SORCS2: variants seen among roughly 807,000 people sequenced by gnomAD.
The protein encoded by SORCS2 is VPS10 domain-containing receptor SorCS2.
Under a neutral mutation model 141.6 loss-of-function variants are expected in SORCS2, and 100 were observed. The ratio of observed to expected loss-of-function variants is 0.71; its 90% CI spans 0.60 to 0.83. The LOEUF (loss-of-function observed/expected upper bound fraction) is 0.83, where lower values mean the gene tolerates loss of function less well. Among genes scored for constraint, SORCS2 ranks in the 40% least tolerant of loss-of-function variants. SORCS2 has a pLI of 0.00. For missense variants in SORCS2, 1,646 were observed against 1,560.2 expected (o/e 1.05, Z -0.93); for synonymous variants, 789 against 676.9 (o/e 1.17, Z -2.57).
At chr4:7,277,291 G>T (rs1715564426) in intron 1 of SORCS2, among the ~76,000 whole-genome samples, 1 of 152,198 alleles carries the variant, frequency 6.6e-6, no homozygotes, top group Non-Finnish European at 1.5e-5. Flanking sequence ...TAAGCCAAAG[G>T]TTTCTGTGAC....
chr4:7,215,113 G>A (rs1728253086), intron 1 of SORCS2, among the ~76,000 whole-genome samples: 1 of 152,204 alleles, frequency 6.6e-6, no homozygotes, highest in Non-Finnish European at 1.5e-5. Context: ...CCCTCAGCTT[G>A]CAGGGAGGTG....
In SORCS2 at chr4:7,740,246, C is replaced by CCAGGT. The variant is rs1241445755; in HGVS notation, c.3462_3463insCAGGT (p.Ser1155GlnfsTer6). 1 of 1,610,012 alleles carries CCAGGT rather than the reference C, an allele frequency of 6.2e-7. No homozygotes were observed. Among genetic ancestry groups the CCAGGT allele is most frequent in the South Asian group, 1.1e-5 (1 of 90,884 alleles). ...TGAGCATCAACTCCCGAGAGATGCA[C>CCAGGT]AGCTACCTGGTGAGCTGATGCCACC... On this transcript the variant is annotated frameshift_variant, in exon 27 of 27. Transcript: ENST00000507866. LOFTEE classifies it high-confidence loss of function.
rs1451011484 is a variant in SORCS2, at chr4:7,728,472, C to CAGAGCCTAG, written c.2982+13_2982+21dup. Reference sequence around the variant, plus strand: ...CCGGCTGCTCTCCAAGGTGTCCACCCAGAGCCTAGAGCCTCCCCAGCCCCA... The same window carrying CAGAGCCTAG: ...CCGGCTGCTCTCCAAGGTGTCCACCCAGAGCCTAGAGAGCCTAGAGCCTCCCCAGCCCCA... On this transcript the variant is annotated intron_variant, in intron 22 of 26. Coordinates refer to ENST00000507866, the MANE Select transcript of SORCS2 (RefSeq NM_020777.3). 1 of 1,597,810 alleles carries CAGAGCCTAG rather than the reference C, an allele frequency of 6.3e-7. No individual in the cohort carries two copies. The highest frequency in any genetic ancestry group is 2.3e-5 in the East Asian group (1 of 44,368).
At chr4:7,218,318 T>G (rs772164773) in intron 1 of SORCS2, among the ~76,000 whole-genome samples, 3 of 152,206 alleles carry the variant, frequency 2.0e-5, no homozygotes, top group Non-Finnish European at 4.4e-5. Context: ...CCTCGATCAC[T>G]TCAAGAATGG....
At chr4:7,383,276 C>T (rs951934969) in intron 1 of SORCS2, among the ~76,000 whole-genome samples, 1 of 152,194 alleles carries the variant, frequency 6.6e-6, no homozygotes, top group Non-Finnish European at 1.5e-5. Flanking sequence ...CTTTAGAGGT[C>T]CACAGCCTGC....
At chr4:7,376,091 A>G (rs1211012392) in intron 1 of SORCS2, among the ~76,000 whole-genome samples, 9 of 152,354 alleles carry the variant, frequency 5.9e-5, no homozygotes, top group Middle Eastern at 3.4e-3. Flanking sequence ...TCCTTGGCAC[A>G]TGGTAGGAGT....
rs1016297703 is a variant in SORCS2, at chr4:7,293,165, A to G, written c.480+100039A>G. On this transcript the variant is annotated intron_variant, in intron 1 of 26. Transcript: ENST00000507866. Reference sequence around the variant, plus strand: ...TAAAAATACAAAAAATTAGCCAGGCATGGTGGCGGGCACCTGTAGTCCCAG... The same window carrying G: ...TAAAAATACAAAAAATTAGCCAGGCGTGGTGGCGGGCACCTGTAGTCCCAG... 4.6e-5 allele frequency among the ~76,000 whole-genome samples: 7 copies of G among 152,062 alleles called. No homozygotes were observed. In the South Asian group the frequency reaches 1.0e-3, roughly 22 times the overall value.
chr4:7,415,957 G>A (rs1002119314), intron 2 of SORCS2, among the ~76,000 whole-genome samples: 1 of 152,220 alleles, frequency 6.6e-6, no homozygotes. Context: ...AGGATGGATA[G>A]GAGTTTTCAG....
In SORCS2 at chr4:7,661,557, C is replaced by G; in HGVS notation, c.945C>G (p.Leu315=). The G allele has an allele frequency of 1.9e-6, 3 of 1,551,786 alleles. No individual in the cohort carries two copies. The highest frequency in any genetic ancestry group is 2.6e-6 in the Non-Finnish European group (3 of 1,147,068). ...TGGTCCACGTGGAAGCCCAAGACCT[C>G]GGTGGAGGTAAGCCGGGCAGTGCAC... ...PDLVHVEAQD[L]GGDFRYVTCA... Residue 315 remains leucine (L), a synonymous_variant, in exon 6 of 27, where the codon CTC becomes CTG. Coordinates refer to ENST00000507866, the MANE Select transcript of SORCS2 (RefSeq NM_020777.3).
intron 5 of SORCS2, among the ~76,000 whole-genome samples, chr4:7,660,839 T>C (rs1035294568): frequency 6.6e-6 from 1 of 152,110 alleles, no homozygotes; most frequent in Non-Finnish European, 1.5e-5. Flanking sequence ...CTTCGCCACC[T>C]CACGAAAGGA....
intron 1 of SORCS2, among the ~76,000 whole-genome samples, chr4:7,238,762 G>C (rs1577310417): frequency 6.6e-6 from 1 of 152,190 alleles, no homozygotes; most frequent in East Asian, 1.9e-4. Flanking sequence ...TTTCGCCTCT[G>C]CTCCCTCTCT....
At chr4:7,571,132 T>A (rs1715361909) in intron 3 of SORCS2, among the ~76,000 whole-genome samples, 1 of 152,216 alleles carries the variant, frequency 6.6e-6, no homozygotes, top group Admixed American at 6.5e-5. Flanking sequence ...CATGCTGGTG[T>A]TTGTTCAAGA....
chr4:7,390,256 A>G (rs548296506), intron 1 of SORCS2, among the ~76,000 whole-genome samples: 1 of 152,124 alleles, frequency 6.6e-6, no homozygotes, highest in East Asian at 1.9e-4. Context: ...TTGATTGACA[A>G]CTGAATTGGG....
chr4:7,604,000 C>G (rs942437257), intron 3 of SORCS2, among the ~76,000 whole-genome samples: 3 of 151,664 alleles, frequency 2.0e-5, no homozygotes, highest in African/African-American at 7.3e-5. Flanking sequence ...TTGCGTGTGA[C>G]TCTGTTGTGT....
intron 2 of SORCS2, among the ~76,000 whole-genome samples, chr4:7,478,931 T>G (rs1034078076): frequency 6.6e-6 from 1 of 152,148 alleles, no homozygotes; most frequent in Non-Finnish European, 1.5e-5. Flanking sequence ...TGGCCTGGTT[T>G]CTCCTCTCCT....
intron 1 of SORCS2, among the ~76,000 whole-genome samples, chr4:7,206,372 G>A (rs1313349517): frequency 2.0e-5 from 3 of 152,200 alleles, no homozygotes; most frequent in African/African-American, 7.2e-5. Context: ...AGGAGGTCAT[G>A]GATCCTGAAG....
chr4:7,614,352 C>T (rs1229367663), intron 3 of SORCS2, among the ~76,000 whole-genome samples: 1 of 151,460 alleles, frequency 6.6e-6, no homozygotes, highest in Non-Finnish European at 1.5e-5. Context: ...GTTCATCCAT[C>T]CATCCACCAT....
At chr4:7,386,187 GCA>G (rs1429316213) in intron 1 of SORCS2, among the ~76,000 whole-genome samples, 4 of 107,098 alleles carry the variant, frequency 3.7e-5, no homozygotes, top group African/African-American at 1.2e-4. Context: ...GCACACACAT[GCA>G]CACACATACA....
intron 1 of SORCS2, among the ~76,000 whole-genome samples, chr4:7,371,367 C>T (rs1369242318): frequency 1.3e-5 from 2 of 152,176 alleles, no homozygotes; most frequent in Admixed American, 6.5e-5. Context: ...TTGCCGCACT[C>T]CCCTGGTTTC....
Sources: allele counts gnomAD v4.1 joint callset (sites outside exome capture counted in the v4.1 genomes callset), GRCh38; gene constraint gnomAD v4.1.1; transcripts MANE v1.5; gene names NCBI Gene and HGNC (gene_info 2026-07-23, HGNC 2026-07-21).